Variants in LDLRAD4 observed in about 807,000 individuals in gnomAD.
LDLRAD4 encodes the protein low-density lipoprotein receptor class A domain-containing protein 4.
Under a neutral mutation model 17.0 loss-of-function variants are expected in LDLRAD4, and 5 were observed. The observed-to-expected ratio is 0.29, with a 90% CI of 0.15 to 0.62. LDLRAD4 has a LOEUF of 0.62. Ranked by LOEUF, LDLRAD4 falls within the 20% of genes least tolerant of loss-of-function variation. LDLRAD4 has a pLI of 0.84. For synonymous variants in LDLRAD4, 168 were observed against 171.8 expected, an observed-to-expected ratio of 0.98 and a Z score of 0.17; for missense variants, 340 against 424.7, an observed-to-expected ratio of 0.80 and a Z score of 1.75.
chr18:13,265,265 C>G (rs895297690), intron 1 of LDLRAD4, among the ~76,000 whole-genome samples: 1 of 152,208 alleles, frequency 6.6e-6, no homozygotes, highest in African/African-American at 2.4e-5. Context: ...TCTAGGACCT[C>G]GTTCTGAGAA....
At chr18:13,570,097 C>T (rs920540765) in intron 3 of LDLRAD4, among the ~76,000 whole-genome samples, 1 of 151,986 alleles carries the variant, frequency 6.6e-6, no homozygotes, top group East Asian at 1.9e-4. Context: ...AATCATTAGG[C>T]CTTTGAAGGA....
intron 3 of LDLRAD4, chr18:13,561,812 C>T (rs2094544297): frequency 1.3e-5 from 2 of 152,130 alleles, no homozygotes; most frequent in African/African-American, 4.8e-5. Context: ...AATCTCAAAT[C>T]GATTTCGGAG....
chr18:13,227,595 A>C (rs1259232905), intron 1 of LDLRAD4, among the ~76,000 whole-genome samples: 1 of 152,178 alleles, frequency 6.6e-6, no homozygotes, highest in African/African-American at 2.4e-5. Flanking sequence ...GAAATACCCG[A>C]GACTGGGTAA....
intron 3 of LDLRAD4, chr18:13,522,690 T>A (rs1037550404): frequency 6.6e-6 from 1 of 152,166 alleles, no homozygotes; most frequent in Non-Finnish European, 1.5e-5. Context: ...AAAAGCCATA[T>A]CTGGAATGTT....
intron 3 of LDLRAD4, among the ~76,000 whole-genome samples, chr18:13,517,959 C>A (rs2093894411): frequency 6.6e-6 from 1 of 152,218 alleles, no homozygotes; most frequent in Non-Finnish European, 1.5e-5. Flanking sequence ...TGGTCTCGAT[C>A]TCCTGACCTT....
intron 3 of LDLRAD4, among the ~76,000 whole-genome samples, chr18:13,507,237 G>A (rs2093708400): frequency 6.6e-6 from 1 of 152,128 alleles, no homozygotes; most frequent in Admixed American, 6.5e-5. Context: ...GTTCTTTAGT[G>A]GTGATTTCTG....
rs986467933 is a variant in LDLRAD4, at chr18:13,418,522, C to T, written c.41-19722C>T. On this transcript the variant is annotated intron_variant, in intron 2 of 5. Coordinates refer to ENST00000359446, the Ensembl canonical transcript of LDLRAD4. ...GTGTCTCCGGCCTCGCTGCTGTTGGCTTCTGGGTCTTTATTCCATTGCAGG... is the reference window on the plus strand; with the variant it reads ...GTGTCTCCGGCCTCGCTGCTGTTGGTTTCTGGGTCTTTATTCCATTGCAGG... 6.6e-5 allele frequency among the ~76,000 whole-genome samples: 10 copies of T among 152,230 alleles called. 1 individual carries two copies. The highest frequency in any genetic ancestry group is 5.2e-4 in the Admixed American group (8 of 15,276).
intron 1 of LDLRAD4, among the ~76,000 whole-genome samples, chr18:13,296,881 G>A (rs1567978766): frequency 6.6e-6 from 1 of 152,128 alleles, no homozygotes; most frequent in South Asian, 2.1e-4. Flanking sequence ...GCTGTGTGAG[G>A]AGGCCGTGAG....
At chr18:13,311,920 C>T (rs1052732371) in intron 1 of LDLRAD4, among the ~76,000 whole-genome samples, 16 of 151,956 alleles carry the variant, frequency 1.1e-4, no homozygotes, top group Non-Finnish European at 2.2e-4. Flanking sequence ...CAAGCCTCCC[C>T]TCCCGGGTTC....
intron 3 of LDLRAD4, among the ~76,000 whole-genome samples, chr18:13,480,767 G>C (rs938512399): frequency 6.6e-6 from 1 of 152,226 alleles, no homozygotes; most frequent in Admixed American, 6.5e-5. Context: ...GCTTCATTAA[G>C]TGGAAGAATG....
chr18:13,607,859 G>A (rs987472700), intron 3 of LDLRAD4, among the ~76,000 whole-genome samples: 2 of 152,138 alleles, frequency 1.3e-5, no homozygotes, highest in African/African-American at 4.8e-5. Context: ...TGGGTGTTCG[G>A]GTTCTTTCCA....
At chr18:13,544,991 A>AT (rs769561804) in intron 3 of LDLRAD4, among the ~76,000 whole-genome samples, 14 of 151,494 alleles carry the variant, frequency 9.2e-5, no homozygotes, top group Non-Finnish European at 1.5e-4. Context: ...GAAAACATAC[A>AT]TTAAACTTTC....
At chr18:13,541,632 C>T (rs1168411105) in intron 3 of LDLRAD4, among the ~76,000 whole-genome samples, 2 of 152,252 alleles carry the variant, frequency 1.3e-5, no homozygotes, top group African/African-American at 2.4e-5. Context: ...AAAATACTTA[C>T]TGCCTCTGAG....
At chr18:13,472,532 G>A (rs561785082) in intron 3 of LDLRAD4, 3 of 152,380 alleles carry the variant, frequency 2.0e-5, no homozygotes, top group African/African-American at 7.2e-5. Flanking sequence ...TGCCAGGTCT[G>A]AGGGTTTGGG....
chr18:13,351,596 A>T (rs1250560963), intron 1 of LDLRAD4, among the ~76,000 whole-genome samples: 2 of 152,082 alleles, frequency 1.3e-5, no homozygotes, highest in African/African-American at 4.8e-5. Flanking sequence ...ATAGACCAAT[A>T]ACAAGTTCTG....
intron 3 of LDLRAD4, among the ~76,000 whole-genome samples, chr18:13,562,564 C>T (rs1310912103): frequency 6.6e-6 from 1 of 152,206 alleles, no homozygotes; most frequent in Non-Finnish European, 1.5e-5. Flanking sequence ...TCACCACCCA[C>T]GCGGTCCGTC....
chr18:13,323,588 A>G (rs1416895993), intron 1 of LDLRAD4, among the ~76,000 whole-genome samples: 1 of 152,262 alleles, frequency 6.6e-6, no homozygotes, highest in Non-Finnish European at 1.5e-5. Flanking sequence ...AACACCCCTC[A>G]GTAACTGAGT....
intron 4 of LDLRAD4, among the ~76,000 whole-genome samples, chr18:13,629,704 C>T (rs1322456493): frequency 6.6e-6 from 1 of 151,320 alleles, no homozygotes; most frequent in Non-Finnish European, 1.5e-5. Context: ...AAGGTATTAG[C>T]ATTAATAATC....
intron 1 of LDLRAD4, among the ~76,000 whole-genome samples, chr18:13,294,675 C>T (rs1056344686): frequency 3.3e-5 from 5 of 152,002 alleles, no homozygotes; most frequent in African/African-American, 9.7e-5. Flanking sequence ...GGGACACAGG[C>T]GGATGAGGAG....
Sources: gnomAD v4.1 joint callset for allele counts (sites outside exome capture counted in the v4.1 genomes callset) on GRCh38, gnomAD v4.1.1 for gene constraint, MANE v1.5 for transcripts, NCBI Gene and HGNC (gene_info 2026-07-23, HGNC 2026-07-21) for gene names.